The following COL22A1 variants were observed in gnomAD, a reference collection of about 807,000 sequenced individuals.
The protein encoded by COL22A1 is collagen alpha-1(XXII) chain.
In COL22A1, 221 loss-of-function variants were observed where a neutral mutation model predicts 248.9. That is an observed-to-expected ratio of 0.89 (90% CI 0.80 to 0.99). COL22A1 has a LOEUF of 0.99. COL22A1 is among the 50% of genes least tolerant of loss of function. COL22A1 has a pLI of 0.00. For missense variants in COL22A1, 2,240 were observed against 2,179.0 expected, an observed-to-expected ratio of 1.03 and a Z score of -0.56; for synonymous variants, 891 against 793.4, an observed-to-expected ratio of 1.12 and a Z score of -2.07.
chr8:138,625,237 T>A (rs1416142325), intron 51 of COL22A1, among the ~76,000 whole-genome samples: 1 of 152,024 alleles, frequency 6.6e-6, no homozygotes, highest in African/African-American at 2.4e-5. Flanking sequence ...ATCGAAGGCA[T>A]CTACTAACGA....
At chr8:138,625,374 C>A (rs113710601) in intron 51 of COL22A1, among the ~76,000 whole-genome samples, 75 of 152,102 alleles carry the variant, frequency 4.9e-4, no homozygotes, top group African/African-American at 1.7e-3. Flanking sequence ...CAGTGGAGGG[C>A]AGGGTTGGGG....
chr8:138,731,495 C>A (rs997368933), intron 23 of COL22A1, among the ~76,000 whole-genome samples: 1 of 151,928 alleles, frequency 6.6e-6, no homozygotes, highest in Non-Finnish European at 1.5e-5. Flanking sequence ...AGTGGTGATG[C>A]GGTGACCAGC....
intron 45 of COL22A1, among the ~76,000 whole-genome samples, chr8:138,651,042 T>A (rs1339951256): frequency 1.3e-5 from 2 of 152,200 alleles, no homozygotes; most frequent in Non-Finnish European, 2.9e-5. Context: ...GTTTTCTTCT[T>A]GGTCTCCGAT....
intron 45 of COL22A1, among the ~76,000 whole-genome samples, chr8:138,652,273 G>A (rs3924862): frequency 0.77 from 116,496 of 152,216 alleles, 47,900 homozygotes; most frequent in East Asian, 0.92. Context: ...TGGAATCATG[G>A]CTTCATCTCC....
intron 12 of COL22A1, among the ~76,000 whole-genome samples, chr8:138,790,006 A>C (rs925065524): frequency 9.9e-5 from 15 of 152,200 alleles, no homozygotes; most frequent in Admixed American, 2.6e-4. Context: ...GCCTTCAGGG[A>C]GAACTTAAAA....
At chr8:138,732,264 A>G (rs10099637) in intron 23 of COL22A1, among the ~76,000 whole-genome samples, 11,141 of 152,294 alleles carry the variant, frequency 0.073, 663 homozygotes, top group African/African-American at 0.17. Context: ...CAGGAAGGCC[A>G]AGAATAAAAC....
At chr8:138,631,089 G>A (rs913797106) in intron 49 of COL22A1, among the ~76,000 whole-genome samples, 1 of 152,124 alleles carries the variant, frequency 6.6e-6, no homozygotes, top group African/African-American at 2.4e-5. Context: ...CTCTATGATG[G>A]GAAGTTCCCT....
At chr8:138,704,103 GAGTAGGTA>G (rs1828201546) in intron 30 of COL22A1, among the ~76,000 whole-genome samples, 1 of 152,340 alleles carries the variant, frequency 6.6e-6, no homozygotes, top group African/African-American at 2.4e-5. Context: ...GCTGAGGTTT[GAGTAGGTA>G]AACAAAGCAG....
At chr8:138,646,477 T>G in intron 47 of COL22A1, 152 bp downstream of exon 47, 1 of 519,796 alleles carries the variant, frequency 1.9e-6, no homozygotes. Flanking sequence ...CCATGGTCAA[T>G]AGGATAGTCA....
chr8:138,768,780 AC>A (rs1834115013), intron 16 of COL22A1, among the ~76,000 whole-genome samples: 1 of 152,094 alleles, frequency 6.6e-6, no homozygotes, highest in Admixed American at 6.6e-5. Context: ...TACTAAAAAT[AC>A]AAAAAATTAG....
At chr8:138,663,007 C>T (rs1280964656) in intron 42 of COL22A1, among the ~76,000 whole-genome samples, 5 of 149,862 alleles carry the variant, frequency 3.3e-5, no homozygotes, top group Admixed American at 2.7e-4. Flanking sequence ...CAGAGCAGGA[C>T]TCTGTCACTC....
intron 62 of COL22A1, among the ~76,000 whole-genome samples, chr8:138,594,782 G>A (rs533031730): frequency 6.6e-6 from 1 of 152,284 alleles, no homozygotes; most frequent in Admixed American, 6.5e-5. Context: ...TGGTCAGTTG[G>A]GGAAACTGAT....
chr8:138,856,315 GC>G (rs1361711638), intron 3 of COL22A1, among the ~76,000 whole-genome samples: 5 of 152,202 alleles, frequency 3.3e-5, no homozygotes, highest in Non-Finnish European at 7.3e-5. Flanking sequence ...AGGTACATGT[GC>G]CCCTGTGTGC....
At chr8:138,601,114 G>A (rs542359739) in intron 60 of COL22A1, among the ~76,000 whole-genome samples, 3 of 151,674 alleles carry the variant, frequency 2.0e-5, no homozygotes, top group South Asian at 4.2e-4. Context: ...GCTCTCAACC[G>A]AAATTCAAGC....
chr8:138,906,297 G>A (rs999985373), intron 1 of COL22A1, among the ~76,000 whole-genome samples: 1 of 151,868 alleles, frequency 6.6e-6, no homozygotes, highest in African/African-American at 2.4e-5. Context: ...GTGAACCCGG[G>A]AGGCGGAGCT....
At chr8:138,910,352 G>C (rs561341502) in intron 1 of COL22A1, among the ~76,000 whole-genome samples, 1 of 152,214 alleles carries the variant, frequency 6.6e-6, no homozygotes, top group South Asian at 2.1e-4. Flanking sequence ...TGTACACACA[G>C]AACCACATGG....
At chr8:138,772,497 T>A in intron 16 of COL22A1, among the ~76,000 whole-genome samples, 1 of 151,924 alleles carries the variant, frequency 6.6e-6, no homozygotes, top group East Asian at 1.9e-4. Context: ...AAAGCGTATT[T>A]AAAAAAAAGA....
At chr8:138,671,768 C>A (rs1825050261) in intron 41 of COL22A1, among the ~76,000 whole-genome samples, 1 of 152,162 alleles carries the variant, frequency 6.6e-6, no homozygotes, top group South Asian at 2.1e-4. Flanking sequence ...TGGCTGCAGC[C>A]ATTTCCAATG....
At chr8:138,664,104 G>A (rs1349780188) in intron 41 of COL22A1, among the ~76,000 whole-genome samples, 1 of 151,230 alleles carries the variant, frequency 6.6e-6, no homozygotes. Flanking sequence ...TTCTGCTTGG[G>A]AAAGGACGGG....
Sources: gnomAD v4.1 joint callset for allele counts (sites outside exome capture counted in the v4.1 genomes callset) on GRCh38, gnomAD v4.1.1 for gene constraint, MANE v1.5 for transcripts, NCBI Gene and HGNC (gene_info 2026-07-23, HGNC 2026-07-21) for gene names.